Variants in TOLLIP observed in about 807,000 individuals in gnomAD.
TOLLIP encodes the protein toll-interacting protein.
TOLLIP carries 16 observed loss-of-function variants against 33.5 expected under a neutral mutation model. The observed-to-expected ratio is 0.48, with a 90% CI of 0.32 to 0.72. The LOEUF is 0.72. Among genes scored for constraint, TOLLIP ranks in the 30% least tolerant of loss-of-function variants. TOLLIP has a pLI of 0.03. For missense variants in TOLLIP, 325 were observed against 396.6 expected (o/e 0.82, Z 1.53); for synonymous variants, 176 against 163.7 (o/e 1.07, Z -0.57).
At chr11:1,308,119 C>T (rs528886698) in intron 1 of TOLLIP, among the ~76,000 whole-genome samples, 39 of 152,372 alleles carry the variant, frequency 2.6e-4, no homozygotes, top group Admixed American at 1.1e-3. Flanking sequence ...CCTGCCCCAG[C>T]CCAGCCTCAG....
At chr11:1,304,117 G>A (rs889021201) in intron 1 of TOLLIP, among the ~76,000 whole-genome samples, 3 of 151,874 alleles carry the variant, frequency 2.0e-5, no homozygotes, top group Non-Finnish European at 4.4e-5. Flanking sequence ...CAAACAGAGG[G>A]CCAAAAACGA....
At chr11:1,292,812 C>T (rs1359064069) in intron 2 of TOLLIP, among the ~76,000 whole-genome samples, 2 of 152,226 alleles carry the variant, frequency 1.3e-5, no homozygotes, top group African/African-American at 2.4e-5. Context: ...CAGCAGACGG[C>T]GTTACCACTG....
At chr11:1,300,045 T>C (rs1737985936) in intron 1 of TOLLIP, among the ~76,000 whole-genome samples, 1 of 152,258 alleles carries the variant, frequency 6.6e-6, no homozygotes, top group Non-Finnish European at 1.5e-5. Flanking sequence ...GGGAAGATTC[T>C]ATTTCAATTT....
At chr11:1,285,112 C>T (rs926325059) in intron 5 of TOLLIP, among the ~76,000 whole-genome samples, 34 of 152,184 alleles carry the variant, frequency 2.2e-4, no homozygotes, top group African/African-American at 7.2e-4. Flanking sequence ...CACAAGCAGC[C>T]GGGGCCTCAT....
At position 1,288,197 on chromosome 11, in the gene TOLLIP, C is replaced by G. The variant is rs1863809138; in HGVS notation, c.519+427G>C. ...ACATCTCCAGAGATGCCCTGCCACA[C>G]CACGGCCAATGCCTGCCCTGTGGGG... On this transcript the variant is annotated intron_variant, in intron 4 of 5. Transcript: ENST00000317204. Among the ~76,000 whole-genome samples, 4 of 152,314 alleles carry G rather than the reference C, an allele frequency of 2.6e-5. No individual in the cohort carries two copies. The South Asian group carries it at 8.3e-4, about 32-fold the overall frequency.
intron 1 of TOLLIP, chr11:1,306,242 T>C (rs570938719): frequency 6.6e-6 from 1 of 152,326 alleles, no homozygotes; most frequent in East Asian, 1.9e-4. Flanking sequence ...CTCAGAACGA[T>C]GTCGGGCTGG....
In TOLLIP at chr11:1,287,876, CCTGCTGCACCCTCCCTGCTGCACCCTCT is replaced by C. The variant is rs1863795755; in HGVS notation, c.519+720_519+747del. The stretch of plus-strand genomic sequence containing the variant: ...GCCGCACCCTCTCTGCTGCAGCCTC[CCTGCTGCACCCTCCCTGCTGCACCCTCT>C]CTGCTGCACCCTCTCTGCTGTCACA... On this transcript the variant is annotated intron_variant, in intron 4 of 5. Coordinates refer to ENST00000317204, the MANE Select transcript of TOLLIP (RefSeq NM_019009.4). 3.7e-5 allele frequency among the ~76,000 whole-genome samples: 4 copies of C among 107,718 alleles called. 1 individual carries two copies. In the South Asian group the frequency reaches 1.4e-3, roughly 37 times the overall value. The allele number at this position is 107,718 out of a possible 152,430, so 70.7% of individuals were successfully genotyped here. A position where few individuals can be genotyped will look rare whatever the true frequency, so the allele number is the denominator to read the frequency against.
intron 2 of TOLLIP, chr11:1,291,858 C>A (rs528311908): frequency 1.9e-5 from 3 of 161,746 alleles, no homozygotes; most frequent in Admixed American, 6.5e-5. Context: ...TCCTCACCGA[C>A]CCCCGAGGGC....
chr11:1,306,584 A>G (rs975025549), intron 1 of TOLLIP, among the ~76,000 whole-genome samples: 3 of 152,122 alleles, frequency 2.0e-5, no homozygotes, highest in Admixed American at 6.5e-5. Flanking sequence ...ATCCTGCAAA[A>G]GCAGGGCTCC....
intron 2 of TOLLIP, among the ~76,000 whole-genome samples, chr11:1,291,409 G>C (rs2133907689): frequency 7.2e-6 from 1 of 139,556 alleles, no homozygotes; most frequent in Middle Eastern, 3.5e-3. Context: ...GAGCCCGCCA[G>C]TTCCTCCTTC....
rs41317294 is a variant in TOLLIP at position 1,275,679 on chromosome 11, A to G, written c.*1360T>C. On this transcript the variant is annotated 3_prime_UTR_variant, in exon 6 of 6. Transcript: ENST00000317204. ...ATATTTATCAACAGTATATTTGACA[A>G]AAACCACCCCCAATCGATGGCAGAA... 1.5e-4 allele frequency: 23 copies of G among 152,338 alleles called. No homozygotes were observed. Among genetic ancestry groups the G allele is most frequent in the Admixed American group, 5.9e-4 (9 of 15,304 alleles). The allele number at this position is 152,338 out of a possible 1,614,324, so 9.4% of individuals were successfully genotyped here.
At position 1,277,333 on chromosome 11, in the gene TOLLIP, C is replaced by T; in HGVS notation, c.611-80G>A. On this transcript the variant is annotated intron_variant, in intron 5 of 5. Coordinates refer to ENST00000317204, the MANE Select transcript of TOLLIP (RefSeq NM_019009.4). This position sits in a 1 kb window ranked among gnomAD's most constrained non-coding sequence, Gnocchi z 4.2. ...ACTAGCTCCTGCTGAAGGAAGAAAA[C>T]AACGCATCCCACCGGCCTCCCTGAG... The T allele has an allele frequency of 8.4e-7, 1 of 1,190,892 alleles. No individual in the cohort carries two copies. Among genetic ancestry groups the T allele is most frequent in the Non-Finnish European group, 1.1e-6 (1 of 870,000 alleles). 73.8% of individuals were successfully genotyped at this position (1,190,892 alleles called of 1,614,324 possible).
At position 1,278,888 on chromosome 11, in the gene TOLLIP, C is replaced by T. The variant is rs1017570303; in HGVS notation, c.611-1635G>A. On this transcript the variant is annotated intron_variant, in intron 5 of 5. Coordinates refer to ENST00000317204, the MANE Select transcript of TOLLIP (RefSeq NM_019009.4). This position sits in a 1 kb window ranked among gnomAD's most constrained non-coding sequence, Gnocchi z 4.7. ...GGATCCCCGTGGCTTTTTGGGCGCCCCGGCTGGCAGGCGGGCAGGAACTTG... is the reference window on the plus strand; with the variant it reads ...GGATCCCCGTGGCTTTTTGGGCGCCTCGGCTGGCAGGCGGGCAGGAACTTG... 2.1e-4 allele frequency among the ~76,000 whole-genome samples: 32 copies of T among 152,202 alleles called. No individual in the cohort carries two copies. Among genetic ancestry groups the T allele is most frequent in the African/African-American group, 7.5e-4 (31 of 41,456 alleles).
intron 1 of TOLLIP, among the ~76,000 whole-genome samples, chr11:1,305,137 T>A (rs1864391567): frequency 6.6e-6 from 1 of 152,040 alleles, no homozygotes; most frequent in Non-Finnish European, 1.5e-5. Context: ...GGCCCGTGGG[T>A]CCCCACACAG....
chr11:1,299,341 T>A (rs1864199680), intron 1 of TOLLIP, among the ~76,000 whole-genome samples: 1 of 152,162 alleles, frequency 6.6e-6, no homozygotes, highest in Non-Finnish European at 1.5e-5. Flanking sequence ...TGCAATGCCC[T>A]CGTTTCTCAA....
chr11:1,299,072 T>C (rs1034778227), intron 1 of TOLLIP, among the ~76,000 whole-genome samples: 2 of 152,178 alleles, frequency 1.3e-5, no homozygotes, highest in Non-Finnish European at 2.9e-5. Flanking sequence ...GCGCCACAGC[T>C]GTGAGAGCTG....
chr11:1,301,801 G>C (rs1375615222), intron 1 of TOLLIP, among the ~76,000 whole-genome samples: 1 of 152,208 alleles, frequency 6.6e-6, no homozygotes, highest in Non-Finnish European at 1.5e-5. Context: ...GGAAGACCTG[G>C]GCTGGGCTCG....
At position 1,309,601 on chromosome 11, in the gene TOLLIP, GGCCGCC is replaced by G; in HGVS notation, c.-109_-104del. 2.2e-6 allele frequency: 1 copy of G among 463,438 alleles called. No individual in the cohort carries two copies. Among genetic ancestry groups the G allele is most frequent in the Non-Finnish European group, 3.4e-6 (1 of 296,900 alleles). The allele number at this position is 463,438 out of a possible 1,614,324, so 28.7% of individuals were successfully genotyped here. A position where few individuals can be genotyped will look rare whatever the true frequency, so the allele number is the denominator to read the frequency against. ...GCGACGGAGACAGTTGTCACCTCGA[GGCCGCC>G]GCCGCCACAGTCAGCTGACAGCCGC... On this transcript the variant is annotated 5_prime_UTR_variant, in exon 1 of 6. Coordinates refer to ENST00000317204, the MANE Select transcript of TOLLIP (RefSeq NM_019009.4).
Position 1,290,901 on chromosome 11 carries a change from T to C in TOLLIP, c.184-492A>G, listed in dbSNP as rs1863912549. 1 of 155,350 alleles carries C rather than the reference T, an allele frequency of 6.4e-6. No individual in the cohort carries two copies. The highest frequency in any genetic ancestry group is 6.3e-5 in the Admixed American group (1 of 15,936). The allele number at this position is 155,350 out of a possible 1,614,324, so 9.6% of individuals were successfully genotyped here. On this transcript the variant is annotated intron_variant, in intron 2 of 5. Transcript: ENST00000317204. The surrounding 1 kb of genome is among the most constrained non-coding windows in gnomAD (Gnocchi z 4.9). ...ATAATTCAGACGCCACGTGGCTGCT[T>C]TCCTCCCTCGTGAAGGCAGCAGCCC...
Sources: allele counts gnomAD v4.1 joint callset (sites outside exome capture counted in the v4.1 genomes callset), GRCh38; gene constraint gnomAD v4.1.1; non-coding constraint Gnocchi (gnomAD v3.1); transcripts MANE v1.5; gene names NCBI Gene and HGNC (gene_info 2026-07-23, HGNC 2026-07-21).